The following FNIP2 variants were observed in gnomAD, a reference collection of about 807,000 sequenced individuals.
FNIP2 encodes the protein folliculin interacting protein 2, also known as folliculin-interacting protein 2.
In FNIP2, 32 loss-of-function variants were observed where a neutral mutation model predicts 108.7. The observed-to-expected ratio is 0.29, with a 90% CI of 0.22 to 0.40. The LOEUF is 0.40. FNIP2 is among the 10% of genes least tolerant of loss of function. The probability of loss-of-function intolerance (pLI) is 1.00; values close to 1 mark genes in which losing one functional copy is unlikely to be tolerated. For missense variants in FNIP2, 1,202 were observed against 1,381.6 expected (o/e 0.87, Z 2.06); for synonymous variants, 480 against 496.7 (o/e 0.97, Z 0.45).
At chr4:158,777,172 C>T (rs1369990912) in intron 1 of FNIP2, among the ~76,000 whole-genome samples, 5 of 152,136 alleles carry the variant, frequency 3.3e-5, no homozygotes, top group Non-Finnish European at 7.4e-5. Flanking sequence ...AAATTGTTAG[C>T]TGTGGGTTGA....
At chr4:158,841,817 C>T (rs1305528055) in intron 7 of FNIP2, among the ~76,000 whole-genome samples, 1 of 152,226 alleles carries the variant, frequency 6.6e-6, no homozygotes, top group African/African-American at 2.4e-5. Context: ...AGAACTGACT[C>T]CCCAGCAACG....
At chr4:158,825,390 G>C (rs1778097804) in intron 1 of FNIP2, among the ~76,000 whole-genome samples, 1 of 152,182 alleles carries the variant, frequency 6.6e-6, no homozygotes, top group Non-Finnish European at 1.5e-5. Context: ...TCCTGGATTA[G>C]AGCTAGCCAT....
Position 158,867,016 on chromosome 4 carries a change from ATAGT to A in FNIP2, c.1466-1082_1466-1079del, listed in dbSNP as rs1297067582. On this transcript the variant is annotated intron_variant, in intron 12 of 16. Coordinates refer to ENST00000264433, the MANE Select transcript of FNIP2 (RefSeq NM_020840.3). ...CAAATTATCAAATGCAGTAGTTTTA[ATAGT>A]TAGGCACTGAAGTACTTTTGATGAA... Among the ~76,000 whole-genome samples the A allele has an allele frequency of 9.2e-5, 14 of 152,348 alleles. No homozygotes were observed. The South Asian group carries it at 2.3e-3, about 25-fold the overall frequency.
intron 14 of FNIP2, chr4:158,890,171 CAGACAAATAAATGTTGAACATCAG>C: frequency 1.0e-6 from 1 of 984,994 alleles, no homozygotes; most frequent in Admixed American, 6.2e-5. Context: ...ATTATTTGAA[CAGACAAATAAATGTTGAACATCAG>C]ACTTTGCCTG....
At chr4:158,889,862 GA>G (rs1162934922) in intron 14 of FNIP2, 1 of 982,560 alleles carries the variant, frequency 1.0e-6, no homozygotes, top group East Asian at 1.1e-4. Flanking sequence ...TCATCATCTT[GA>G]TATAAATTTA....
At chr4:158,839,131 C>T (rs1778974749) in intron 7 of FNIP2, among the ~76,000 whole-genome samples, 1 of 152,108 alleles carries the variant, frequency 6.6e-6, no homozygotes, top group Non-Finnish European at 1.5e-5. Context: ...TTCCTCCTGT[C>T]CAGGCTGTGT....
intron 8 of FNIP2, among the ~76,000 whole-genome samples, chr4:158,855,829 G>A (rs1239664430): frequency 2.0e-5 from 3 of 152,166 alleles, no homozygotes; most frequent in Non-Finnish European, 4.4e-5. Flanking sequence ...TTTTATGCTA[G>A]AGACAGGAGA....
intron 8 of FNIP2, among the ~76,000 whole-genome samples, chr4:158,853,528 C>T (rs1779814183): frequency 6.6e-6 from 1 of 152,160 alleles, no homozygotes; most frequent in African/African-American, 2.4e-5. Flanking sequence ...CCTCCCCCAT[C>T]CCCCTACCCC....
intron 7 of FNIP2, among the ~76,000 whole-genome samples, chr4:158,841,617 A>G (rs1418875018): frequency 6.6e-6 from 1 of 152,184 alleles, no homozygotes; most frequent in Non-Finnish European, 1.5e-5. Flanking sequence ...CATACAGGCA[A>G]AGGCTTAAGC....
intron 1 of FNIP2, among the ~76,000 whole-genome samples, chr4:158,804,811 C>T (rs1776885738): frequency 6.6e-6 from 1 of 152,176 alleles, no homozygotes; most frequent in South Asian, 2.1e-4. Flanking sequence ...GTGGCCATGT[C>T]AGTTCTAAGC....
intron 1 of FNIP2, among the ~76,000 whole-genome samples, chr4:158,808,956 C>T (rs1287425459): frequency 6.6e-6 from 1 of 152,190 alleles, no homozygotes; most frequent in Non-Finnish European, 1.5e-5. Flanking sequence ...TTGGTTGTCT[C>T]ATTGCGGTTC....
intron 1 of FNIP2, among the ~76,000 whole-genome samples, chr4:158,803,051 T>C (rs1578838504): frequency 6.6e-6 from 1 of 152,314 alleles, no homozygotes; most frequent in East Asian, 1.9e-4. Context: ...TCCAGTGTCT[T>C]AGAAAGTTCA....
At chr4:158,839,099 C>G (rs952673923) in intron 7 of FNIP2, among the ~76,000 whole-genome samples, 1 of 152,086 alleles carries the variant, frequency 6.6e-6, no homozygotes, top group African/African-American at 2.4e-5. Context: ...GTCAGTTTCT[C>G]CACTGTAAAG....
chr4:158,884,407 A>G (rs895192659), intron 14 of FNIP2, among the ~76,000 whole-genome samples: 1 of 152,228 alleles, frequency 6.6e-6, no homozygotes, highest in African/African-American at 2.4e-5. Flanking sequence ...ATCAAGAACA[A>G]GTTAAGACAG....
intron 7 of FNIP2, among the ~76,000 whole-genome samples, chr4:158,850,591 A>G (rs1224222723): frequency 6.7e-6 from 1 of 149,728 alleles, no homozygotes; most frequent in African/African-American, 2.5e-5. Context: ...CATATTGGAG[A>G]GTAGAGGTTT....
chr4:158,792,737 T>C (rs1776463429), intron 1 of FNIP2, among the ~76,000 whole-genome samples: 2 of 152,120 alleles, frequency 1.3e-5, no homozygotes, highest in South Asian at 4.1e-4. Flanking sequence ...ATGGTGACTT[T>C]ATAGAACATA....
chr4:158,852,641 A>G (rs991396234), intron 8 of FNIP2, among the ~76,000 whole-genome samples: 1 of 152,198 alleles, frequency 6.6e-6, no homozygotes, highest in African/African-American at 2.4e-5. Context: ...TTTAGCCAAG[A>G]CATAGGATAT....
At chr4:158,822,821 T>C (rs931098252) in intron 1 of FNIP2, among the ~76,000 whole-genome samples, 1 of 152,198 alleles carries the variant, frequency 6.6e-6, no homozygotes, top group African/African-American at 2.4e-5. Context: ...TAAAATACTT[T>C]TAAAGCATTT....
chr4:158,846,186 TC>T (rs932261844), intron 7 of FNIP2, among the ~76,000 whole-genome samples: 2 of 152,230 alleles, frequency 1.3e-5, no homozygotes, highest in Admixed American at 1.3e-4. Flanking sequence ...AGCTGTTTTT[TC>T]AGATTTTTCT....
Sources: gnomAD v4.1 joint callset for allele counts (sites outside exome capture counted in the v4.1 genomes callset) on GRCh38, gnomAD v4.1.1 for gene constraint, MANE v1.5 for transcripts, NCBI Gene and HGNC (gene_info 2026-07-23, HGNC 2026-07-21) for gene names.